THSD7B: variants seen among roughly 807,000 people sequenced by gnomAD.
THSD7B encodes thrombospondin type-1 domain-containing protein 7B.
In THSD7B, 138 loss-of-function variants were observed where a neutral mutation model predicts 213.6. The observed-to-expected ratio is 0.65, with a 90% confidence interval of 0.56 to 0.74. The LOEUF is 0.74. THSD7B is among the 30% of genes least tolerant of loss of function. The probability of loss-of-function intolerance (pLI) is 0.00; values close to 1 mark genes in which losing one functional copy is unlikely to be tolerated. For synonymous variants in THSD7B, 742 were observed against 687.0 expected, an observed-to-expected ratio of 1.08 and a Z score of -1.25; for missense variants, 1,931 against 1,991.5, an observed-to-expected ratio of 0.97 and a Z score of 0.58.
chr2:137,434,138 C>T (rs2105044200), intron 14 of THSD7B, among the ~76,000 whole-genome samples: 1 of 152,296 alleles, frequency 6.6e-6, no homozygotes, highest in African/African-American at 2.4e-5. Context: ...GCAGGGAAGA[C>T]ATCTCTCAGG....
At chr2:137,404,474 T>TACACACACAC (rs1207612144) in intron 12 of THSD7B, among the ~76,000 whole-genome samples, 63 of 40,248 alleles carry the variant, frequency 1.6e-3, no homozygotes, top group African/African-American at 3.7e-3. Flanking sequence ...TATATATATA[T>TACACACACAC]ACACACACAC....
At chr2:137,098,664 A>G in intron 4 of THSD7B, among the ~76,000 whole-genome samples, 1 of 152,236 alleles carries the variant, frequency 6.6e-6, no homozygotes, top group East Asian at 1.9e-4. Context: ...AGAACAAGGT[A>G]TAGGTAGAAA....
chr2:137,222,927 T>A (rs1301237613), intron 7 of THSD7B, among the ~76,000 whole-genome samples: 1 of 152,164 alleles, frequency 6.6e-6, no homozygotes, highest in Non-Finnish European at 1.5e-5. Flanking sequence ...TGAGAGTCCC[T>A]GGCCTCTCTC....
At chr2:136,920,551 A>G (rs1684418415) in intron 2 of THSD7B, among the ~76,000 whole-genome samples, 3 of 152,166 alleles carry the variant, frequency 2.0e-5, no homozygotes, top group Non-Finnish European at 2.9e-5. Context: ...GTACTGTCCA[A>G]TTGGCCAAAA....
At position 137,233,134 on chromosome 2, in the gene THSD7B, G is replaced by T. The variant is rs758631786; in HGVS notation, c.2150+1G>T. Reference sequence around the variant, plus strand: ...ACGTGGGACAAGTAATGACCAAAAGGTATTTATTAGGCTGTTACTGAAAAT... The same window carrying T: ...ACGTGGGACAAGTAATGACCAAAAGTTATTTATTAGGCTGTTACTGAAAAT... On this transcript the variant is annotated splice_donor_variant, in intron 9 of 27. Transcript: ENST00000409968. LOFTEE classifies it high-confidence loss of function. The T allele has an allele frequency of 2.5e-6, 4 of 1,610,376 alleles. No individual in the cohort carries two copies. The highest frequency in any genetic ancestry group is 3.4e-6 in the Non-Finnish European group (4 of 1,177,804).
intron 15 of THSD7B, among the ~76,000 whole-genome samples, chr2:137,500,940 GT>G (rs200315288): frequency 1.3e-4 from 19 of 151,500 alleles, no homozygotes; most frequent in African/African-American, 3.1e-4. Context: ...ATGTTTCATG[GT>G]TTTTTTTTAT....
intron 3 of THSD7B, among the ~76,000 whole-genome samples, chr2:137,070,223 AT>A (rs919156056): frequency 6.6e-6 from 1 of 151,442 alleles, no homozygotes; most frequent in Admixed American, 6.6e-5. Flanking sequence ...ATCCTTTTGA[AT>A]TTTTTTTCAC....
chr2:137,446,159 G>A (rs1024381257), intron 14 of THSD7B, among the ~76,000 whole-genome samples: 3 of 151,858 alleles, frequency 2.0e-5, no homozygotes, highest in Non-Finnish European at 4.4e-5. Context: ...AATTAATCTA[G>A]GTTATTTTCT....
intron 15 of THSD7B, among the ~76,000 whole-genome samples, chr2:137,534,430 T>C (rs887787196): frequency 6.8e-4 from 103 of 151,504 alleles, no homozygotes; most frequent in African/African-American, 2.4e-3. Flanking sequence ...ATATATATAT[T>C]TTTTTCCATT....
chr2:137,601,200 T>C (rs1573736426), intron 17 of THSD7B, among the ~76,000 whole-genome samples: 1 of 152,008 alleles, frequency 6.6e-6, no homozygotes, highest in Admixed American at 6.6e-5. Flanking sequence ...ATAAATGGAG[T>C]GTAACCTAAG....
intron 12 of THSD7B, among the ~76,000 whole-genome samples, chr2:137,357,160 A>G (rs1685151445): frequency 6.6e-6 from 1 of 152,190 alleles, no homozygotes; most frequent in Admixed American, 6.5e-5. Flanking sequence ...ATACCCAGGA[A>G]AAGATTTTGG....
intron 17 of THSD7B, among the ~76,000 whole-genome samples, chr2:137,595,990 C>T (rs1178942474): frequency 6.6e-6 from 1 of 151,712 alleles, no homozygotes; most frequent in Non-Finnish European, 1.5e-5. Context: ...GAAGAAAAAA[C>T]CCCAAAATAC....
chr2:137,120,791 AGCTTC>A (rs1688532386), intron 5 of THSD7B, among the ~76,000 whole-genome samples: 1 of 152,232 alleles, frequency 6.6e-6, no homozygotes, highest in African/African-American at 2.4e-5. Flanking sequence ...AGTGCAAACA[AGCTTC>A]CTTTCCAAAT....
intron 2 of THSD7B, among the ~76,000 whole-genome samples, chr2:136,908,736 C>T (rs1212813115): frequency 1.3e-5 from 2 of 152,012 alleles, no homozygotes; most frequent in African/African-American, 2.4e-5. Context: ...CAGCTAGTGC[C>T]GAGGCTGAGT....
intron 17 of THSD7B, among the ~76,000 whole-genome samples, chr2:137,598,973 A>C (rs1364787694): frequency 6.7e-6 from 1 of 149,318 alleles, no homozygotes; most frequent in Admixed American, 6.7e-5. Context: ...ACGCTGGTGC[A>C]CTGCACCCAC....
intron 4 of THSD7B, among the ~76,000 whole-genome samples, chr2:137,095,946 C>G (rs564264301): frequency 6.6e-6 from 1 of 152,282 alleles, no homozygotes; most frequent in African/African-American, 2.4e-5. Flanking sequence ...AAGCGATACT[C>G]CCACCTCAGC....
intron 9 of THSD7B, among the ~76,000 whole-genome samples, chr2:137,240,352 T>G (rs1681873635): frequency 6.6e-6 from 1 of 152,238 alleles, no homozygotes; most frequent in Non-Finnish European, 1.5e-5. Flanking sequence ...TGCTTTCAGA[T>G]TTATAATTAT....
intron 1 of THSD7B, among the ~76,000 whole-genome samples, chr2:136,799,598 A>G (rs1191309813): frequency 6.6e-6 from 1 of 152,000 alleles, no homozygotes; most frequent in African/African-American, 2.4e-5. Context: ...AATTGCAAAG[A>G]ATGTTTGACT....
intron 5 of THSD7B, among the ~76,000 whole-genome samples, chr2:137,124,470 T>A (rs1688598780): frequency 6.6e-6 from 1 of 152,208 alleles, no homozygotes; most frequent in Non-Finnish European, 1.5e-5. Context: ...GTTCTCTTCA[T>A]AAGAGGACAT....
Sources: allele counts gnomAD v4.1 joint callset (sites outside exome capture counted in the v4.1 genomes callset), GRCh38; gene constraint gnomAD v4.1.1; transcripts MANE v1.5; gene names NCBI Gene and HGNC (gene_info 2026-07-23, HGNC 2026-07-21).